Variants in EYA1 observed in about 807,000 individuals in gnomAD.
EYA1 encodes the protein EYA transcriptional coactivator and phosphatase 1.
EYA1 carries 16 observed loss-of-function variants against 82.0 expected under a neutral mutation model. The observed-to-expected ratio is 0.20, with a 90% CI of 0.13 to 0.30. The LOEUF is 0.30. Among genes scored for constraint, EYA1 ranks in the 10% least tolerant of loss-of-function variants. EYA1 has a pLI of 1.00. For missense variants in EYA1, 633 were observed against 730.7 expected (o/e 0.87, Z 1.54); for synonymous variants, 261 against 264.4 (o/e 0.99, Z 0.12).
At chr8:71,434,266 C>A (rs73296356) in intron 2 of EYA1, among the ~76,000 whole-genome samples, 35 of 152,202 alleles carry the variant, frequency 2.3e-4, no homozygotes, top group African/African-American at 8.4e-4. Flanking sequence ...TTTCAGTATC[C>A]AGCATACAAT....
chr8:71,341,913 C>A (rs1397547563), intron 3 of EYA1, among the ~76,000 whole-genome samples: 3 of 152,174 alleles, frequency 2.0e-5, no homozygotes, highest in Non-Finnish European at 4.4e-5. Context: ...TCAATAGCAG[C>A]ATGTGCAATT....
At chr8:71,303,315 T>TACACACACAC (rs58345968) in intron 7 of EYA1, among the ~76,000 whole-genome samples, 1 of 131,984 alleles carries the variant, frequency 7.6e-6, no homozygotes, top group Admixed American at 7.6e-5. Flanking sequence ...ACATTTGATA[T>TACACACACAC]ACACACACAC....
At chr8:71,291,783 C>T (rs1819024563) in intron 9 of EYA1, among the ~76,000 whole-genome samples, 1 of 152,128 alleles carries the variant, frequency 6.6e-6, no homozygotes, top group Non-Finnish European at 1.5e-5. Context: ...TGATGTGCCT[C>T]ATTTTCCTTA....
intron 11 of EYA1, among the ~76,000 whole-genome samples, chr8:71,252,036 T>G (rs1347173473): frequency 1.3e-5 from 2 of 152,092 alleles, no homozygotes; most frequent in Non-Finnish European, 2.9e-5. Context: ...AAAGGGTATA[T>G]AAATGCATGT....
At chr8:71,349,574 T>C (rs866561582) in intron 3 of EYA1, among the ~76,000 whole-genome samples, 2 of 152,190 alleles carry the variant, frequency 1.3e-5, no homozygotes, top group African/African-American at 4.8e-5. Flanking sequence ...AAAATGGGAA[T>C]CACACTGTAG....
chr8:71,405,302 A>C (rs555887077), intron 2 of EYA1, among the ~76,000 whole-genome samples: 1 of 152,330 alleles, frequency 6.6e-6, no homozygotes, highest in Admixed American at 6.5e-5. Context: ...ATGATTGCTC[A>C]AGACCCTTCA....
At chr8:71,280,036 C>A (rs1453666240) in intron 9 of EYA1, among the ~76,000 whole-genome samples, 2 of 152,200 alleles carry the variant, frequency 1.3e-5, no homozygotes, top group East Asian at 3.9e-4. Flanking sequence ...TTGATACACG[C>A]ACCAGAACTA....
chr8:71,510,891 A>G (rs1212119524), intron 2 of EYA1, among the ~76,000 whole-genome samples: 2 of 152,238 alleles, frequency 1.3e-5, no homozygotes, highest in Admixed American at 1.3e-4. Flanking sequence ...TCACTCAGCT[A>G]GATCTTTCTT....
At chr8:71,333,379 G>A (rs889496036) in intron 4 of EYA1, among the ~76,000 whole-genome samples, 1 of 151,778 alleles carries the variant, frequency 6.6e-6, no homozygotes, top group Non-Finnish European at 1.5e-5. Flanking sequence ...CAATAGAGAG[G>A]TGCTAAAATT....
At chr8:71,367,867 A>G (rs1040712834) in intron 2 of EYA1, among the ~76,000 whole-genome samples, 7 of 152,224 alleles carry the variant, frequency 4.6e-5, no homozygotes, top group African/African-American at 1.7e-4. Flanking sequence ...AAGGAAAACA[A>G]TAGCTTCAGT....
At chr8:71,434,358 T>C (rs932621848) in intron 2 of EYA1, among the ~76,000 whole-genome samples, 2 of 152,132 alleles carry the variant, frequency 1.3e-5, no homozygotes, top group Non-Finnish European at 2.9e-5. Context: ...AGTATCTCAG[T>C]TTTCTGTAAA....
chr8:71,257,416 T>G (rs150780509), intron 11 of EYA1, among the ~76,000 whole-genome samples: 63 of 152,330 alleles, frequency 4.1e-4, no homozygotes, highest in African/African-American at 1.4e-3. Flanking sequence ...TGGCTGTTTT[T>G]GGTGGTGAAA....
intron 2 of EYA1, among the ~76,000 whole-genome samples, chr8:71,411,315 C>T (rs1830575885): frequency 2.9e-5 from 1 of 34,650 alleles, no homozygotes; most frequent in African/African-American, 1.6e-4. Context: ...AGGACATAGG[C>T]GTGGGCAAGG....
At chr8:71,527,590 C>T (rs1179528333) in intron 2 of EYA1, among the ~76,000 whole-genome samples, 1 of 152,202 alleles carries the variant, frequency 6.6e-6, no homozygotes, top group Non-Finnish European at 1.5e-5. Flanking sequence ...CTGTGGAAGA[C>T]TGGTTCCAAA....
chr8:71,410,640 GA>G lies in EYA1; in HGVS notation c.34-54130del, dbSNP rs1157161104. Among the ~76,000 whole-genome samples, 1,004 of 118,326 alleles carry G rather than the reference GA, an allele frequency of 8.5e-3. 6 individuals carry two copies. Among genetic ancestry groups the G allele is most frequent in the South Asian group, 0.026 (80 of 3,072 alleles). The allele number at this position is 118,326 out of a possible 152,430, so 77.6% of individuals were successfully genotyped here. On this transcript the variant is annotated intron_variant, in intron 2 of 18. Coordinates refer to the EYA1 transcript ENST00000643681. Reference sequence around the variant, plus strand: ...AACTCCCATTCACAATTGCTTCAAAGAGAATAAAATACCTAGGAATCCAACT... The same window carrying G: ...AACTCCCATTCACAATTGCTTCAAAGGAATAAAATACCTAGGAATCCAACT...
intron 2 of EYA1, among the ~76,000 whole-genome samples, chr8:71,443,588 T>C (rs961027573): frequency 6.6e-6 from 1 of 152,198 alleles, no homozygotes; most frequent in South Asian, 2.1e-4. Flanking sequence ...CTAATCTGCA[T>C]CTACAAGAGG....
intron 11 of EYA1, among the ~76,000 whole-genome samples, chr8:71,253,869 G>A (rs1043444284): frequency 6.6e-6 from 1 of 152,122 alleles, no homozygotes; most frequent in African/African-American, 2.4e-5. Context: ...ATACTGTAGA[G>A]CTATTCAAGA....
chr8:71,460,886 G>C (rs1028470084), intron 2 of EYA1, among the ~76,000 whole-genome samples: 9 of 152,322 alleles, frequency 5.9e-5, no homozygotes, highest in South Asian at 2.1e-4. Context: ...ACAGTCTCTA[G>C]AGAATGGGGA....
chr8:71,353,275 C>T (rs28414964), intron 3 of EYA1, among the ~76,000 whole-genome samples: 23,292 of 152,168 alleles, frequency 0.15, 1,867 homozygotes, highest in South Asian at 0.2. Flanking sequence ...CTGTACTCTG[C>T]AGTAGGCATG....
Sources: gnomAD v4.1 joint callset for allele counts (sites outside exome capture counted in the v4.1 genomes callset) on GRCh38, gnomAD v4.1.1 for gene constraint, MANE v1.5 for transcripts, NCBI Gene and HGNC (gene_info 2026-07-23, HGNC 2026-07-21) for gene names.